CELSR1: variants seen among roughly 807,000 people sequenced by gnomAD.
CELSR1 encodes the protein cadherin EGF LAG seven-pass G-type receptor 1, also known as adhesion G protein-coupled receptor C1.
In CELSR1, 110 loss-of-function variants were observed where a neutral mutation model predicts 249.1. That is an observed-to-expected ratio of 0.44 (90% CI 0.38 to 0.52). The LOEUF (loss-of-function observed/expected upper bound fraction) is 0.52, where lower values mean the gene tolerates loss of function less well. Among genes scored for constraint, CELSR1 ranks in the 20% least tolerant of loss-of-function variants. The probability of loss-of-function intolerance (pLI) is 0.00; values close to 1 mark genes in which losing one functional copy is unlikely to be tolerated. For synonymous variants in CELSR1, 2,113 were observed against 1,900.0 expected (o/e 1.11, Z -2.92); for missense variants, 4,109 against 4,296.4 (o/e 0.96, Z 1.22).
At position 46,537,055 on chromosome 22, in the gene CELSR1, G is replaced by A; in HGVS notation, c.116C>T (p.Thr39Ile). ...AAWEPRVPGG[T>I]RAFALRPGCT... ...GCCGGGCCGGAGGGCGAAGGCGCGG[G>A]TCCCGCCGGGTACGCGCGGCTCCCA... The change falls in exon 1 of 35, where the codon ACC (threonine) becomes ATC (isoleucine). Residue 39 changes from threonine (T) to isoleucine (I), a missense_variant. By Grantham distance (89) the Thr-to-Ile change is moderately conservative. This residue lies in a region of CELSR1 where 673 missense variants were observed against 636.8 expected (regional missense o/e 1.06). Coordinates refer to ENST00000674500, the MANE Select transcript of CELSR1 (RefSeq NM_001378328.1). This position sits in a 1 kb window ranked among gnomAD's most constrained non-coding sequence, Gnocchi z 5.8. 1.9e-6 allele frequency: 2 copies of A among 1,078,888 alleles called. No individual in the cohort carries two copies. Among genetic ancestry groups the A allele is most frequent in the Middle Eastern group, 4.2e-4 (1 of 2,374 alleles). The allele number at this position is 1,078,888 out of a possible 1,614,324, so 66.8% of individuals were successfully genotyped here.
At position 46,399,749 on chromosome 22, in the gene CELSR1, C is replaced by G. The variant is rs1164697593; in HGVS notation, c.5380G>C (p.Val1794Leu). Residue 1794 changes from valine (V) to leucine (L), a missense_variant, in exon 10 of 35, where the codon GTC becomes CTC. Around this residue, in one of 7 missense-constraint regions of CELSR1, gnomAD observed 1,805 missense variants for 1,831.6 expected, o/e 0.99. Transcript: ENST00000674500. This position sits in a 1 kb window ranked among gnomAD's most constrained non-coding sequence, Gnocchi z 5.0. ...VKEDSEMKHLVTMTLDYGMDQ... is the reference protein window; with the variant it reads ...VKEDSEMKHLLTMTLDYGMDQ... The stretch of plus-strand genomic sequence containing the variant: ...ATCCCATAGTCCAAGGTCATGGTGA[C>G]CAGGTGCTTCATCTCACTGTCCTCC... 6.2e-7 allele frequency: 1 copy of G among 1,613,900 alleles called. No individual in the cohort carries two copies. The highest frequency in any genetic ancestry group is 8.5e-7 in the Non-Finnish European group (1 of 1,179,936).
chr22:46,411,794 T>A lies in CELSR1; in HGVS notation c.4612-35A>T. 1 of 1,612,356 alleles carries A rather than the reference T, an allele frequency of 6.2e-7. No homozygotes were observed. ...GAGAAAGCACAGAAGGTGTCAGCGT[T>A]TTCTCCACCAGTGCCCTCAGCAGGC... is the stretch of plus-strand genomic sequence containing the variant. On this transcript the variant is annotated intron_variant, in intron 5 of 34. Coordinates refer to ENST00000674500, the MANE Select transcript of CELSR1 (RefSeq NM_001378328.1). This position sits in a 1 kb window ranked among gnomAD's most constrained non-coding sequence, Gnocchi z 4.2.
At position 46,395,548 on chromosome 22, in the gene CELSR1, A is replaced by T. The variant is rs2079138906; in HGVS notation, c.5843+1057T>A. On this transcript the variant is annotated intron_variant, in intron 13 of 34. Transcript: ENST00000674500. The surrounding 1 kb of genome is among the most constrained non-coding windows in gnomAD (Gnocchi z 5.5). The stretch of plus-strand genomic sequence containing the variant: ...GCACCTCCGCGGCGCTCTCCCTGGC[A>T]TCACATCTTGCTGATATCCAAGAAT... Among the ~76,000 whole-genome samples the T allele has an allele frequency of 6.6e-6, 1 of 152,114 alleles. No homozygotes were observed. Among genetic ancestry groups the T allele is most frequent in the African/African-American group, 2.4e-5 (1 of 41,422 alleles).
Position 46,413,343 on chromosome 22 carries a change from G to A in CELSR1, c.4612-1584C>T, listed in dbSNP as rs1437283348. 1.3e-5 allele frequency among the ~76,000 whole-genome samples: 2 copies of A among 152,210 alleles called. No individual in the cohort carries two copies. Among genetic ancestry groups the A allele is most frequent in the Admixed American group, 1.3e-4 (2 of 15,290 alleles). On this transcript the variant is annotated intron_variant, in intron 5 of 34. Transcript: ENST00000674500. This position sits in a 1 kb window ranked among gnomAD's most constrained non-coding sequence, Gnocchi z 4.7. Reference sequence around the variant, plus strand: ...ACTTCTGGGGACCCTGGACACCCAGGCAGCACGCCCTGCCTGGAGTTGTGC... The same window carrying A: ...ACTTCTGGGGACCCTGGACACCCAGACAGCACGCCCTGCCTGGAGTTGTGC...
intron 18 of CELSR1, 118 bp downstream of exon 18, chr22:46,389,172 A>G: frequency 8.9e-7 from 1 of 1,125,218 alleles, no homozygotes; most frequent in Non-Finnish European, 1.3e-6. Flanking sequence ...GAGGATGGGG[A>G]TCCTGGACAC....
rs569769717 is a variant in CELSR1 at position 46,376,022 on chromosome 22, GA to G, written c.7584+1038del. On this transcript the variant is annotated intron_variant, in intron 24 of 34. Coordinates refer to ENST00000674500, the MANE Select transcript of CELSR1 (RefSeq NM_001378328.1). Reference sequence around the variant, plus strand: ...CAGTGGTGAACGTGAGTGGGTTCCTGATGTTACAGGGGATGCCTCCAGTATC... The same window carrying G: ...CAGTGGTGAACGTGAGTGGGTTCCTGTGTTACAGGGGATGCCTCCAGTATC... 8.5e-5 allele frequency among the ~76,000 whole-genome samples: 13 copies of G among 152,330 alleles called. No homozygotes were observed. The East Asian group carries it at 2.5e-3, about 29-fold the overall frequency.
chr22:46,453,580 T>TGGCCCCC (rs1339488730), intron 2 of CELSR1, among the ~76,000 whole-genome samples: 7 of 152,180 alleles, frequency 4.6e-5, no homozygotes, highest in Middle Eastern at 3.2e-3. Context: ...ACCTGGCCCC[T>TGGCCCCC]GGCCCCCAGG....
intron 5 of CELSR1, among the ~76,000 whole-genome samples, chr22:46,420,218 CCA>C (rs1371364894): frequency 2.6e-5 from 4 of 151,226 alleles, no homozygotes; most frequent in Admixed American, 6.6e-5. Context: ...TCGTACATAC[CCA>C]CATTCACACC....
chr22:46,438,214 G>A (rs975207089), intron 3 of CELSR1, among the ~76,000 whole-genome samples: 4 of 152,232 alleles, frequency 2.6e-5, no homozygotes, highest in African/African-American at 9.6e-5. Context: ...GAAGGAGAAG[G>A]AAAGAACAAA....
rs762374578 is a variant in CELSR1 at position 46,365,697 on chromosome 22, G to A, written c.8301-8C>T. 3.2e-6 allele frequency: 5 copies of A among 1,559,854 alleles called. No homozygotes were observed. The highest frequency in any genetic ancestry group is 3.8e-5 in the Admixed American group (2 of 52,576). On this transcript the variant is annotated splice_polypyrimidine_tract_variant and splice_region_variant and intron_variant, in intron 30 of 34. Coordinates refer to ENST00000674500, the MANE Select transcript of CELSR1 (RefSeq NM_001378328.1). ...TTCTGGATCCCTTCATCCCTAGAGA[G>A]GCCAGGGAGGGTGGGCTCAGTATCA... is the stretch of plus-strand genomic sequence containing the variant.
At chr22:46,493,061 T>C (rs73178848) in intron 1 of CELSR1, among the ~76,000 whole-genome samples, 399 of 151,672 alleles carry the variant, frequency 2.6e-3, no homozygotes, top group Non-Finnish European at 4.4e-3. Flanking sequence ...CTGGGAAACA[T>C]AGCCAGATCC....
intron 9 of CELSR1, among the ~76,000 whole-genome samples, chr22:46,403,085 G>T (rs538463545): frequency 6.6e-6 from 1 of 152,242 alleles, no homozygotes; most frequent in South Asian, 2.1e-4. Flanking sequence ...AAGTCAATTT[G>T]CTGGGAAGAT....
intron 18 of CELSR1, among the ~76,000 whole-genome samples, chr22:46,388,464 G>A (rs1381517838): frequency 6.6e-6 from 1 of 152,214 alleles, no homozygotes; most frequent in African/African-American, 2.4e-5. Flanking sequence ...ATCCCAGCAA[G>A]GGGACCCTGC....
Position 46,393,083 on chromosome 22 carries a change from C to T in CELSR1, c.5964+1059G>A, listed in dbSNP as rs2079111033. Among the ~76,000 whole-genome samples, 1 of 152,184 alleles carries T rather than the reference C, an allele frequency of 6.6e-6. No individual in the cohort carries two copies. Among genetic ancestry groups the T allele is most frequent in the African/African-American group, 2.4e-5 (1 of 41,442 alleles). On this transcript the variant is annotated intron_variant, in intron 14 of 34. Coordinates refer to ENST00000674500, the MANE Select transcript of CELSR1 (RefSeq NM_001378328.1). This position sits in a 1 kb window ranked among gnomAD's most constrained non-coding sequence, Gnocchi z 4.1. Reference sequence around the variant, plus strand: ...GGACACTACTGACATCACGAGATGGCATCCAAGGGTGCCCTGGTACCAGCT... The same window carrying T: ...GGACACTACTGACATCACGAGATGGTATCCAAGGGTGCCCTGGTACCAGCT...
chr22:46,479,338 C>T (rs909853), intron 1 of CELSR1, among the ~76,000 whole-genome samples: 112,183 of 151,886 alleles, frequency 0.74, 41,586 homozygotes, highest in East Asian at 0.85. Flanking sequence ...CTCCTACCCC[C>T]GAGCCCGAAG....
intron 1 of CELSR1, among the ~76,000 whole-genome samples, chr22:46,529,972 T>A (rs2080775751): frequency 6.6e-6 from 1 of 152,008 alleles, no homozygotes; most frequent in South Asian, 2.1e-4. Flanking sequence ...ATGTGATCAT[T>A]ACACATTGCA....
At chr22:46,376,678 C>A (rs933345463) in intron 24 of CELSR1, among the ~76,000 whole-genome samples, 1 of 152,014 alleles carries the variant, frequency 6.6e-6, no homozygotes, top group Non-Finnish European at 1.5e-5. Flanking sequence ...CCTTAAATCA[C>A]TTTTGACAAG....
In CELSR1 at chr22:46,506,530, C is replaced by T. The variant is rs1056768646; in HGVS notation, c.3544+27097G>A. Among the ~76,000 whole-genome samples the T allele has an allele frequency of 2.1e-4, 32 of 152,332 alleles. 1 individual carries two copies. The highest frequency in any genetic ancestry group is 7.3e-5 in the Non-Finnish European group (5 of 68,032). On this transcript the variant is annotated intron_variant, in intron 1 of 34. Transcript: ENST00000674500. This position sits in a 1 kb window ranked among gnomAD's most constrained non-coding sequence, Gnocchi z 4.1. ...GCGTTCTGCCAGCCTCAGCCCCAGC[C>T]CCAGCCCCCCAAGTCTCACAAGTCC...
rs2079657479 is a variant in CELSR1 at position 46,436,118 on chromosome 22, C to T, written c.4522+56G>A. 4 of 1,450,720 alleles carry T rather than the reference C, an allele frequency of 2.8e-6. No individual in the cohort carries two copies. In the Admixed American group the frequency reaches 5.1e-5, roughly 18 times the overall value. The allele number at this position is 1,450,720 out of a possible 1,614,324, so 89.9% of individuals were successfully genotyped here. A position where few individuals can be genotyped will look rare whatever the true frequency, so the allele number is the denominator to read the frequency against. ...CTGCACAGGGCGAGGGTCGTTTTAA[C>T]CCACAAAGTATCTGTGAATTGCTCA... On this transcript the variant is annotated intron_variant, in intron 4 of 34. Coordinates refer to ENST00000674500, the MANE Select transcript of CELSR1 (RefSeq NM_001378328.1). This position sits in a 1 kb window ranked among gnomAD's most constrained non-coding sequence, Gnocchi z 5.9.
Sources: gnomAD v4.1 joint callset for allele counts (sites outside exome capture counted in the v4.1 genomes callset) on GRCh38, gnomAD v4.1.1 for gene constraint, gnomAD v4.1.1 regional missense constraint, Gnocchi (gnomAD v3.1) non-coding constraint, MANE v1.5 for transcripts, NCBI Gene and HGNC (gene_info 2026-07-23, HGNC 2026-07-21) for gene names.